Variants in PRIM2 observed in about 807,000 individuals in gnomAD.
PRIM2 encodes DNA primase large subunit.
In PRIM2, 39 loss-of-function variants were observed where a neutral mutation model predicts 67.3. The ratio of observed to expected loss-of-function variants is 0.58; its 90% CI spans 0.45 to 0.76. The LOEUF (loss-of-function observed/expected upper bound fraction) is 0.76. Among genes scored for constraint, PRIM2 ranks in the 30% least tolerant of loss-of-function variants. PRIM2 has a pLI of 0.00. For synonymous variants in PRIM2, 143 were observed against 198.7 expected (o/e 0.72, Z 2.36); for missense variants, 398 against 598.7 (o/e 0.66, Z 3.50).
At chr6:57,645,817 A>G (rs1443472549) in intron 13 of PRIM2, 111 bp from the exon 14 acceptor site, 7 of 637,334 alleles carry the variant, frequency 1.1e-5, no homozygotes, top group African/African-American at 1.8e-5. Context: ...AAACAGCTAG[A>G]ATCCATGTTT....
At chr6:57,513,744 C>T (rs1225012267) in intron 8 of PRIM2, among the ~76,000 whole-genome samples, 17 of 152,180 alleles carry the variant, frequency 1.1e-4, no homozygotes, top group South Asian at 6.2e-4. Flanking sequence ...TGTGGTGGCG[C>T]GCACCTGTAA....
intron 10 of PRIM2, among the ~76,000 whole-genome samples, chr6:57,584,265 C>G (rs1776152148): frequency 6.6e-6 from 1 of 152,176 alleles, no homozygotes; most frequent in Non-Finnish European, 1.5e-5. Flanking sequence ...AACAAACCCA[C>G]TAGCCAGCCT....
At chr6:57,518,228 G>C (rs1317843960) in intron 8 of PRIM2, among the ~76,000 whole-genome samples, 18 of 152,130 alleles carry the variant, frequency 1.2e-4, no homozygotes, top group Admixed American at 1.1e-3. Context: ...AATCTACCAG[G>C]AACAGTCATC....
intron 10 of PRIM2, among the ~76,000 whole-genome samples, chr6:57,539,550 G>C (rs1373322780): frequency 1.5e-5 from 2 of 135,560 alleles, no homozygotes; most frequent in East Asian, 4.5e-4. Context: ...ATTGATTATA[G>C]TTTTGATTAT....
chr6:57,293,600 T>C, the PRIM2 span, among the ~76,000 whole-genome samples: 1 of 152,182 alleles, frequency 6.6e-6, no homozygotes, highest in Non-Finnish European at 1.5e-5. Context: ...TGTCCATCAA[T>C]GATAGACTGG....
chr6:57,543,900 A>G (rs1322156197), intron 10 of PRIM2, among the ~76,000 whole-genome samples: 2 of 152,174 alleles, frequency 1.3e-5, no homozygotes, highest in Non-Finnish European at 2.9e-5. Context: ...GTCTCTAGAT[A>G]CCTTTTATTA....
At chr6:57,598,189 C>G (rs1352864699) in intron 10 of PRIM2, among the ~76,000 whole-genome samples, 22 of 152,286 alleles carry the variant, frequency 1.4e-4, no homozygotes, top group African/African-American at 5.1e-4. Flanking sequence ...TCCACAGCCA[C>G]TCACAGCTTC....
the PRIM2 span, among the ~76,000 whole-genome samples, chr6:57,261,440 A>T: frequency 6.6e-6 from 1 of 152,348 alleles, no homozygotes; most frequent in South Asian, 2.1e-4. Context: ...CTTCAGGGCC[A>T]TCCAATGGCT....
intron 7 of PRIM2, among the ~76,000 whole-genome samples, chr6:57,436,317 C>T (rs769382332): frequency 6.6e-6 from 1 of 152,156 alleles, no homozygotes; most frequent in Non-Finnish European, 1.5e-5. Context: ...CTTATAAATC[C>T]TCATAAAGTC....
chr6:57,494,995 ACTTTT>A (rs1391655577), intron 7 of PRIM2, among the ~76,000 whole-genome samples: 1 of 151,360 alleles, frequency 6.6e-6, no homozygotes, highest in African/African-American at 2.4e-5. Flanking sequence ...GAAATTATTT[ACTTTT>A]CTTGTTCTGT....
At position 57,579,482 on chromosome 6, in the gene PRIM2, T is replaced by C. The variant is rs1255378104; in HGVS notation, c.1021-21611T>C. The stretch of plus-strand genomic sequence containing the variant: ...TGTCTGTTATGTAGTAATGCTTAGA[T>C]GACTAGAAGATAACATGTAATCTAA... On this transcript the variant is annotated intron_variant, in intron 10 of 13. Coordinates refer to ENST00000615550, the MANE Select transcript of PRIM2 (RefSeq NM_000947.5). Among the ~76,000 whole-genome samples, 16 of 152,284 alleles carry C rather than the reference T, an allele frequency of 1.1e-4. 2 individuals carry two copies. The highest frequency in any genetic ancestry group is 8.5e-4 in the Admixed American group (13 of 15,290).
intron 5 of PRIM2, among the ~76,000 whole-genome samples, chr6:57,355,853 G>A (rs1372957610): frequency 6.6e-6 from 1 of 151,992 alleles, no homozygotes; most frequent in Admixed American, 6.6e-5. Flanking sequence ...TGTTGCCTGG[G>A]CTGGTCTCAA....
At chr6:57,584,640 G>A (rs1776157021) in intron 10 of PRIM2, among the ~76,000 whole-genome samples, 1 of 152,042 alleles carries the variant, frequency 6.6e-6, no homozygotes, top group African/African-American at 2.4e-5. Context: ...CATATGTCCT[G>A]CTTTTTTGGA....
intron 7 of PRIM2, among the ~76,000 whole-genome samples, chr6:57,425,268 C>T (rs1406006019): frequency 5.9e-5 from 9 of 152,100 alleles, no homozygotes; most frequent in African/African-American, 1.4e-4. Context: ...GAGGGAGTCT[C>T]GCTCTGTCGC....
the PRIM2 span, among the ~76,000 whole-genome samples, chr6:57,251,325 C>T: frequency 1.3e-5 from 2 of 152,098 alleles, no homozygotes; most frequent in Non-Finnish European, 2.9e-5. Context: ...GTAGGTGAAC[C>T]GCAGTTACAA....
chr6:57,231,354 A>G, the PRIM2 span, among the ~76,000 whole-genome samples: 5 of 152,192 alleles, frequency 3.3e-5, no homozygotes, highest in African/African-American at 1.2e-4. Flanking sequence ...ACTTTATTCT[A>G]CTTGGTAAAT....
the PRIM2 span, among the ~76,000 whole-genome samples, chr6:57,271,202 G>A: frequency 1.7e-4 from 26 of 152,306 alleles, no homozygotes; most frequent in Middle Eastern, 3.4e-3. Context: ...CAGAAGGAAT[G>A]GTACCAGCTC....
At chr6:57,394,253 G>A (rs1581859295) in intron 7 of PRIM2, among the ~76,000 whole-genome samples, 1 of 152,152 alleles carries the variant, frequency 6.6e-6, no homozygotes, top group Non-Finnish European at 1.5e-5. Context: ...GCTTTTGGCA[G>A]TATGGTCATT....
chr6:57,642,435 C>CTTTTTTTTTTTTTTTTTTTTT (rs1156576933), intron 13 of PRIM2, among the ~76,000 whole-genome samples: 4 of 83,182 alleles, frequency 4.8e-5, no homozygotes, highest in African/African-American at 1.1e-4. Flanking sequence ...AATATTATAT[C>CTTTTTTTTTTTTTTTTTTTTT]TTTTTTTTTT....
Sources: gnomAD v4.1 joint callset for allele counts (sites outside exome capture counted in the v4.1 genomes callset) on GRCh38, gnomAD v4.1.1 for gene constraint, MANE v1.5 for transcripts, NCBI Gene and HGNC (gene_info 2026-07-23, HGNC 2026-07-21) for gene names.